The following TEP1 variants were observed in gnomAD, a reference collection of about 807,000 sequenced individuals.
The protein encoded by TEP1 is telomerase protein component 1.
In TEP1, 241 loss-of-function variants were observed where a neutral mutation model predicts 306.3. That is an observed-to-expected ratio of 0.79 (90% CI 0.71 to 0.88). TEP1 has a LOEUF of 0.88. Among genes scored for constraint, TEP1 ranks in the 40% least tolerant of loss-of-function variants. The pLI is 0.00. For synonymous variants in TEP1, 1,289 were observed against 1,305.5 expected (o/e 0.99, Z 0.27); for missense variants, 3,051 against 3,276.1 (o/e 0.93, Z 1.68).
intron 1 of TEP1, among the ~76,000 whole-genome samples, chr14:20,409,891 G>T (rs573596366): frequency 6.6e-6 from 1 of 151,456 alleles, no homozygotes; most frequent in Non-Finnish European, 1.5e-5. Flanking sequence ...GCAGGGTGGC[G>T]GGCACCTGTA....
chr14:20,372,613 C>T, intron 49 of TEP1, 120 bp downstream of exon 49: 10 of 1,447,392 alleles, frequency 6.9e-6, no homozygotes, highest in Non-Finnish European at 9.6e-6. Flanking sequence ...AAATAATGTC[C>T]CACTCAGTAA....
chr14:20,384,120 T>C lies in TEP1; in HGVS notation c.3452A>G (p.Asp1151Gly). Reference protein sequence around the residue: ...PSPARPRLLQDTVQRLMLPHG... With the variant: ...PSPARPRLLQGTVQRLMLPHG... ...GGGCAGCATCAGCCGTTGCACTGTG[T>C]CCTGAAGAAGGCGTGGCCGGGCAGG... The change falls in exon 24 of 55, where the codon GAC (aspartate) becomes GGC (glycine). Residue 1151 changes from aspartate to glycine, a missense_variant. Coordinates refer to ENST00000262715, the MANE Select transcript of TEP1 (RefSeq NM_007110.5). 6.2e-7 allele frequency: 1 copy of C among 1,614,046 alleles called. No individual in the cohort carries two copies. Among genetic ancestry groups the C allele is most frequent in the Non-Finnish European group, 8.5e-7 (1 of 1,180,018 alleles).
Position 20,378,171 on chromosome 14 carries a change from A to G in TEP1, c.5574T>C (p.Ala1858=). The change falls in exon 39 of 55, where the codon GCT becomes GCC. Residue 1858 remains alanine (A), a synonymous_variant. Transcript: ENST00000262715. ...CCACCATACTGTCCAGCCGGCCCAC[A>G]GCCACAACCCCCCCAGGCACATTGA... ...LAFNVPGGVV[A]VGRLDSMVEL... is the part of the protein sequence containing the mutation. The G allele has an allele frequency of 6.2e-7, 1 of 1,613,906 alleles. No homozygotes were observed. The highest frequency in any genetic ancestry group is 8.5e-7 in the Non-Finnish European group (1 of 1,180,016).
rs185748950 is a variant in TEP1, at chr14:20,372,870, A to G, written c.6952-13T>C. On this transcript the variant is annotated splice_polypyrimidine_tract_variant and intron_variant, in intron 48 of 54. Coordinates refer to ENST00000262715, the MANE Select transcript of TEP1 (RefSeq NM_007110.5). ...TGTGGCCTGGAGCCTGGTGTACACA[A>G]CAAGTTCAATTCAGTGCTTCTGATG... 5.0e-5 allele frequency: 81 copies of G among 1,614,166 alleles called. No homozygotes were observed. In the Admixed American group the frequency reaches 1.1e-3, roughly 22 times the overall value.
At chr14:20,395,999 G>A in intron 10 of TEP1, 50 bp from the exon 11 acceptor site, 1 of 1,376,454 alleles carries the variant, frequency 7.3e-7, no homozygotes, top group African/African-American at 1.4e-5. Flanking sequence ...CGGGAGTATG[G>A]GGGGCTTCAG....
chr14:20,397,790 G>A (rs113787476), intron 9 of TEP1, among the ~76,000 whole-genome samples: 7,661 of 151,742 alleles, frequency 0.05, 195 homozygotes, highest in South Asian at 0.076. Flanking sequence ...GTCTCACTCT[G>A]TCACCCAGGC....
chr14:20,408,000 CTGT>C lies in TEP1; in HGVS notation c.437_439del (p.Asn146del). 1 of 1,614,192 alleles carries C rather than the reference CTGT, an allele frequency of 6.2e-7. No individual in the cohort carries two copies. The highest frequency in any genetic ancestry group is 1.1e-5 in the South Asian group (1 of 91,090). ...TGGAGGCTCAGAGAGCAGGCAATTG[CTGT>C]TGTTCACACGGTACAAATCAGCTTG... On this transcript the variant is annotated inframe_deletion, in exon 2 of 55. Transcript: ENST00000262715.
intron 7 of TEP1, 52 bp downstream of exon 7, chr14:20,403,325 G>A: frequency 1.3e-6 from 2 of 1,599,360 alleles, no homozygotes; most frequent in Non-Finnish European, 1.7e-6. Context: ...GTAAATATTA[G>A]TCCAGAAGAG....
In TEP1 at chr14:20,383,285, A is replaced by C; in HGVS notation, c.3936T>G (p.Gly1312=). The change falls in exon 27 of 55, where the codon GGT becomes GGG. Residue 1312 remains glycine, a synonymous_variant. Coordinates refer to ENST00000262715, the MANE Select transcript of TEP1 (RefSeq NM_007110.5). ...GAGGCCCCAAGGCCAGCACGTGGGC[A>C]CCCTGGCTCTGCTCAAGGGTCTCCC... ...GLGETLEQSQ[G]AHVLALGPLE... 3.7e-6 allele frequency: 6 copies of C among 1,613,264 alleles called. No individual in the cohort carries two copies. The highest frequency in any genetic ancestry group is 5.1e-6 in the Non-Finnish European group (6 of 1,179,654).
rs902599363 is a variant in TEP1, at chr14:20,367,337, T to C, written c.*1100A>G. On this transcript the variant is annotated 3_prime_UTR_variant, in exon 55 of 55. Transcript: ENST00000262715. ...GAGATTGCACCATTGCACTCCAGCC[T>C]AGGTGACAGAGCCAGACTCTATCTC... is the stretch of plus-strand genomic sequence containing the variant. The C allele has an allele frequency of 7.0e-6, 1 of 142,006 alleles. No individual in the cohort carries two copies. The highest frequency in any genetic ancestry group is 1.5e-5 in the Non-Finnish European group (1 of 66,840). The allele number at this position is 142,006 out of a possible 1,614,324, so 8.8% of individuals were successfully genotyped here.
rs376676035 is a variant in TEP1, at chr14:20,395,412, G to C, written c.1928+38C>G. 3.3e-6 allele frequency: 5 copies of C among 1,526,980 alleles called. No homozygotes were observed. In the South Asian group the frequency reaches 5.0e-5, roughly 15 times the overall value. 94.6% of individuals were successfully genotyped at this position (1,526,980 alleles called of 1,614,324 possible). ...TTCCAACCTGTGCCAGGGTAGCCCC[G>C]ATTGCCCACCCTTGGCTCCCAGACA... On this transcript the variant is annotated intron_variant, in intron 12 of 54. Coordinates refer to ENST00000262715, the MANE Select transcript of TEP1 (RefSeq NM_007110.5).
At position 20,381,751 on chromosome 14, in the gene TEP1, C is replaced by T; in HGVS notation, c.4425-65G>A. The T allele has an allele frequency of 1.3e-6, 2 of 1,538,456 alleles. No individual in the cohort carries two copies. The highest frequency in any genetic ancestry group is 4.3e-5 in the Admixed American group (2 of 46,968). On this transcript the variant is annotated intron_variant, in intron 30 of 54. Transcript: ENST00000262715. The surrounding 1 kb of genome is among the most constrained non-coding windows in gnomAD (Gnocchi z 4.0). ...GCCTGTCAGTGAGCTTCCTGGCACACAGTGGGCTCCTATTCCCCCCTCAAA... is the reference window on the plus strand; with the variant it reads ...GCCTGTCAGTGAGCTTCCTGGCACATAGTGGGCTCCTATTCCCCCCTCAAA...
chr14:20,400,497 CAAAAAAAAA>C (rs71108598), intron 9 of TEP1, among the ~76,000 whole-genome samples: 51 of 85,468 alleles, frequency 6.0e-4, no homozygotes, highest in Admixed American at 2.7e-3. Context: ...AAAAGTAGAC[CAAAAAAAAA>C]AAAAAAAAAA....
At chr14:20,398,506 TAA>T (rs35081660) in intron 9 of TEP1, among the ~76,000 whole-genome samples, 2 of 144,642 alleles carry the variant, frequency 1.4e-5, no homozygotes, top group Non-Finnish European at 1.5e-5. Context: ...AAACCAAAAT[TAA>T]AAAAAAAAAA....
intron 1 of TEP1, among the ~76,000 whole-genome samples, chr14:20,408,898 A>G (rs776712849): frequency 2.6e-5 from 4 of 151,842 alleles, no homozygotes; most frequent in Non-Finnish European, 4.4e-5. Flanking sequence ...AAGAAGGTAA[A>G]GGAGACCCAA....
rs1232281523 is a variant in TEP1, at chr14:20,388,010, T to C, written c.2579A>G (p.Asp860Gly). ...GGGTGGTGGAATCTTGAATATTTTG[T>C]CCATTTGGCCCACATGTTCCAGAAG... Reference protein sequence around the residue: ...SHLLEHVGQMDKIFKIPPPPG... With the variant: ...SHLLEHVGQMGKIFKIPPPPG... The change falls in exon 18 of 55, where the codon GAC becomes GGC. Residue 860 changes from aspartate (D) to glycine (G), a missense_variant. Transcript: ENST00000262715. The C allele has an allele frequency of 6.2e-7, 1 of 1,613,988 alleles. No individual in the cohort carries two copies. The highest frequency in any genetic ancestry group is 2.2e-5 in the East Asian group (1 of 44,900).
In TEP1 at chr14:20,366,146, T is replaced by C. The variant is rs1884463794; in HGVS notation, c.*2291A>G. On this transcript the variant is annotated 3_prime_UTR_variant, in exon 55 of 55. Coordinates refer to ENST00000262715, the MANE Select transcript of TEP1 (RefSeq NM_007110.5). ...ATGACCTCACTGTCCTTCTCCAAGA[T>C]GAAACAAAAAACCCTTCAAGTGGGC... The C allele has an allele frequency of 6.6e-6, 1 of 152,224 alleles. No homozygotes were observed. The highest frequency in any genetic ancestry group is 2.1e-4 in the South Asian group (1 of 4,830). The allele number at this position is 152,224 out of a possible 1,614,324, so 9.4% of individuals were successfully genotyped here.
At chr14:20,380,854 A>G in intron 33 of TEP1, 77 bp downstream of exon 33, 1 of 1,270,380 alleles carries the variant, frequency 7.9e-7, no homozygotes, top group Non-Finnish European at 1.1e-6. Flanking sequence ...CCCTGCCCCA[A>G]CCCTGAGCAG....
rs761286817 is a variant in TEP1, at chr14:20,405,093, C to T, written c.871-321G>A. Among the ~76,000 whole-genome samples the T allele has an allele frequency of 4.6e-5, 7 of 152,318 alleles. 1 individual carries two copies. In the South Asian group the frequency reaches 1.5e-3, roughly 32 times the overall value. On this transcript the variant is annotated intron_variant, in intron 4 of 54. Coordinates refer to ENST00000262715, the MANE Select transcript of TEP1 (RefSeq NM_007110.5). The stretch of plus-strand genomic sequence containing the variant: ...GGTTCAAATCATTGATTAAACCTGC[C>T]ATTTTCCAAAGCATCATAGAAGATA...
Sources: gnomAD v4.1 joint callset for allele counts (sites outside exome capture counted in the v4.1 genomes callset) on GRCh38, gnomAD v4.1.1 for gene constraint, Gnocchi (gnomAD v3.1) non-coding constraint, MANE v1.5 for transcripts, NCBI Gene and HGNC (gene_info 2026-07-23, HGNC 2026-07-21) for gene names.